ZNF177: variants seen among roughly 807,000 people sequenced by gnomAD.
The protein encoded by ZNF177 is zinc finger protein 177.
A neutral mutation model predicts 19.4 loss-of-function variants in ZNF177; 17 were observed. The observed-to-expected ratio is 0.87, with a 90% CI of 0.60 to 1.31. ZNF177 has a LOEUF of 1.31. ZNF177 is among the 40% of genes most tolerant of loss of function. The pLI is 0.00. For missense variants in ZNF177, 633 were observed against 561.8 expected (o/e 1.13, Z -1.28); for synonymous variants, 220 against 188.7 (o/e 1.17, Z -1.36).
chr19:9,375,307 C>A (rs2068095851), upstream of ZNF177, among the ~76,000 whole-genome samples: 1 of 152,036 alleles, frequency 6.6e-6, no homozygotes, highest in African/African-American at 2.4e-5. Context: ...TTTGCTCTTA[C>A]AGTGTTTGTC....
chr19:9,379,212 C>T (rs1401799266), intron 3 of ZNF177, 124 bp downstream of exon 5: 8 of 1,414,662 alleles, frequency 5.7e-6, no homozygotes, highest in Non-Finnish European at 7.5e-6. Context: ...TGGTCCCTGC[C>T]CTTGAGGGGG....
At chr19:9,366,422 A>G (rs1241125997) in intron 2 of ZNF177, among the ~76,000 whole-genome samples, 3 of 151,714 alleles carry the variant, frequency 2.0e-5, no homozygotes, top group Non-Finnish European at 2.9e-5. Flanking sequence ...AAGCCTGGCT[A>G]TTTTTTTAAA....
intron 1 of ZNF177, among the ~76,000 whole-genome samples, chr19:9,377,198 C>T (rs1245897185): frequency 6.6e-6 from 1 of 152,140 alleles, no homozygotes; most frequent in East Asian, 1.9e-4. Context: ...ACATTACTCA[C>T]ATGTCTGTCA....
At chr19:9,379,025 C>T in exon 3 of ZNF177, 3 of 1,610,042 alleles carry the variant, frequency 1.9e-6, no homozygotes, top group Non-Finnish European at 2.5e-6. Flanking sequence ...ATTGCTGGAC[C>T]CTGCTCAAAA....
upstream of ZNF177, among the ~76,000 whole-genome samples, chr19:9,375,044 C>T (rs1734973510): frequency 6.6e-6 from 1 of 152,106 alleles, no homozygotes; most frequent in South Asian, 2.1e-4. Flanking sequence ...GGGTTTTTAT[C>T]ACAGAAGAAT....
chr19:9,378,268 C>T (rs751357066), exon 2 of ZNF177: 7 of 1,612,436 alleles, frequency 4.3e-6, no homozygotes, highest in East Asian at 2.2e-5. Context: ...GCTCTGCCTG[C>T]TTAGGACTCT....
Position 9,380,140 on chromosome 19 carries a change from G to T in ZNF177, c.336+1G>T. The T allele has an allele frequency of 6.2e-7, 1 of 1,604,468 alleles. No homozygotes were observed. Among genetic ancestry groups the T allele is most frequent in the Non-Finnish European group, 8.5e-7 (1 of 1,177,806 alleles). ...AAAAACATCCAATGGCATAAACACG[G>T]TAAGACTTACTAGGAAGTATTCCTG... On this transcript the variant is annotated splice_donor_variant, in intron 5 of 5. Transcript: ENST00000589262. LOFTEE classifies it high-confidence loss of function.
At chr19:9,378,744 T>C in intron 2 of ZNF177, 1 of 717,988 alleles carries the variant, frequency 1.4e-6, no homozygotes, top group Middle Eastern at 4.2e-4. Flanking sequence ...AAAAGCTGTT[T>C]TGACCATGAC....
downstream of ZNF177, chr19:9,382,599 A>C: frequency 2.6e-6 from 1 of 391,936 alleles, no homozygotes; most frequent in Non-Finnish European, 4.5e-6. Flanking sequence ...TAAATGGTCA[A>C]GTTTTAGGAA....
intron 2 of ZNF177, among the ~76,000 whole-genome samples, chr19:9,366,808 C>A (rs1023801098): frequency 4.6e-5 from 7 of 152,200 alleles, no homozygotes; most frequent in African/African-American, 1.7e-4. Flanking sequence ...CACTTCACTC[C>A]CCTCCACAAA....
chr19:9,375,692 T>C (rs980790155), upstream of ZNF177, among the ~76,000 whole-genome samples: 4 of 152,184 alleles, frequency 2.6e-5, no homozygotes, highest in Non-Finnish European at 5.9e-5. Flanking sequence ...TCATTTCTAG[T>C]TTTACTTCAG....
At chr19:9,382,607 GA>G (rs780071319), downstream of ZNF177, 2 of 389,510 alleles carry the variant, frequency 5.1e-6, no homozygotes, top group Non-Finnish European at 9.1e-6. Context: ...CAAGTTTTAG[GA>G]ATCGTTCAAG....
In ZNF177 at chr19:9,380,209, C is replaced by A; in HGVS notation, c.336+70C>A. 5 of 1,500,062 alleles carry A rather than the reference C, an allele frequency of 3.3e-6. No individual in the cohort carries two copies. In the South Asian group the frequency reaches 6.8e-5, roughly 20 times the overall value. 92.9% of individuals were successfully genotyped at this position (1,500,062 alleles called of 1,614,324 possible). On this transcript the variant is annotated intron_variant, in intron 5 of 5. Transcript: ENST00000589262. ...TGGGAATCTGAATGAGTTAAAACAT[C>A]AGCACCCAAAGCAGGGGTAAGAATT...
At chr19:9,371,049 C>T (rs2068041701) in intron 2 of ZNF177, among the ~76,000 whole-genome samples, 1 of 152,200 alleles carries the variant, frequency 6.6e-6, no homozygotes, top group Non-Finnish European at 1.5e-5. Flanking sequence ...GTATTAGATA[C>T]TGCAAATAAA....
chr19:9,380,579 T>C, intron 5 of ZNF177, 89 bp from the exon 8 acceptor site: 1 of 1,535,594 alleles, frequency 6.5e-7, no homozygotes, highest in Non-Finnish European at 8.7e-7. Context: ...GTGCTTCCTA[T>C]ATATGGCAGA....
upstream of ZNF177, among the ~76,000 whole-genome samples, chr19:9,374,113 A>G (rs1479440171): frequency 1.3e-5 from 2 of 152,090 alleles, no homozygotes; most frequent in African/African-American, 2.4e-5. Context: ...TCACTTTTTC[A>G]CATGTGGATA....
chr19:9,367,403 TTA>T (rs1420849581), intron 2 of ZNF177, among the ~76,000 whole-genome samples: 3 of 152,230 alleles, frequency 2.0e-5, no homozygotes, highest in Non-Finnish European at 4.4e-5. Flanking sequence ...TTTGAAATCA[TTA>T]TGTGATACTG....
At chr19:9,381,421 G>A (rs2068199571) in exon 6 of ZNF177, 3 of 1,613,970 alleles carry the variant, frequency 1.9e-6, no homozygotes, top group Non-Finnish European at 2.5e-6. Context: ...AACCCACACT[G>A]GAGAGAAACC....
intron 3 of ZNF177, 130 bp downstream of exon 5, chr19:9,379,218 G>C: frequency 7.2e-7 from 1 of 1,396,880 alleles, no homozygotes; most frequent in Non-Finnish European, 9.5e-7. Flanking sequence ...CTGCCCTTGA[G>C]GGGGCAGTCC....
Sources: allele counts gnomAD v4.1 joint callset (sites outside exome capture counted in the v4.1 genomes callset), GRCh38; gene constraint gnomAD v4.1.1; transcripts MANE v1.5; gene names NCBI Gene and HGNC (gene_info 2026-07-23, HGNC 2026-07-21).